The following ALCAM variants were observed in gnomAD, a reference collection of about 807,000 sequenced individuals.
ALCAM encodes the protein CD166 antigen.
In ALCAM, 30 loss-of-function variants were observed where a neutral mutation model predicts 70.9. The ratio of observed to expected loss-of-function variants is 0.42; its 90% CI spans 0.32 to 0.57. ALCAM has a LOEUF of 0.57. ALCAM is among the 20% of genes least tolerant of loss of function. The pLI is 0.11. For missense variants in ALCAM, 591 were observed against 695.1 expected, an observed-to-expected ratio of 0.85 and a Z score of 1.68; for synonymous variants, 249 against 242.5, an observed-to-expected ratio of 1.03 and a Z score of -0.25.
At chr3:105,564,021 C>T (rs1266350862) in intron 14 of ALCAM, among the ~76,000 whole-genome samples, 2 of 152,002 alleles carry the variant, frequency 1.3e-5, no homozygotes, top group African/African-American at 2.4e-5. Context: ...TCAACACAAC[C>T]TACTACATAA....
chr3:105,547,850 T>C (rs1161806235), intron 11 of ALCAM, among the ~76,000 whole-genome samples: 1 of 151,472 alleles, frequency 6.6e-6, no homozygotes, highest in African/African-American at 2.4e-5. Flanking sequence ...TGTGAGTGAT[T>C]AAAACATTAA....
chr3:105,490,982 G>A (rs1325468319), intron 1 of ALCAM, among the ~76,000 whole-genome samples: 1 of 152,220 alleles, frequency 6.6e-6, no homozygotes, highest in East Asian at 1.9e-4. Context: ...CCTCGCAGAG[G>A]TTCTCCATGA....
rs570665770 is a variant in ALCAM, at chr3:105,418,836, A to T, written c.73+51355A>T. Among the ~76,000 whole-genome samples, 6 of 151,896 alleles carry T rather than the reference A, an allele frequency of 4.0e-5. No individual in the cohort carries two copies. In the East Asian group the frequency reaches 1.2e-3, roughly 30 times the overall value. ...AGATATTCACTGTAGAAAAAAAAAGACTTCTGGTCACAAATTCTGTTACTT... is the reference window on the plus strand; with the variant it reads ...AGATATTCACTGTAGAAAAAAAAAGTCTTCTGGTCACAAATTCTGTTACTT... On this transcript the variant is annotated intron_variant, in intron 1 of 15. Transcript: ENST00000306107.
At chr3:105,372,497 T>C (rs1039910724) in intron 1 of ALCAM, among the ~76,000 whole-genome samples, 1 of 152,150 alleles carries the variant, frequency 6.6e-6, no homozygotes, top group Admixed American at 6.5e-5. Flanking sequence ...TGAAATTAGC[T>C]TTTAATGCTT....
At chr3:105,466,739 C>T (rs540000520) in intron 1 of ALCAM, among the ~76,000 whole-genome samples, 1 of 151,500 alleles carries the variant, frequency 6.6e-6, no homozygotes, top group Admixed American at 6.6e-5. Flanking sequence ...TTGATTCTAT[C>T]TATATCCAGT....
intron 14 of ALCAM, among the ~76,000 whole-genome samples, chr3:105,554,065 A>T (rs1159732918): frequency 1.3e-5 from 2 of 151,864 alleles, no homozygotes; most frequent in Non-Finnish European, 2.9e-5. Context: ...ACGAGTCAGG[A>T]TTCTCCAGAG....
chr3:105,461,706 C>T (rs1302982953), intron 1 of ALCAM, among the ~76,000 whole-genome samples: 1 of 151,720 alleles, frequency 6.6e-6, no homozygotes, highest in East Asian at 1.9e-4. Flanking sequence ...AAAGAAAGAA[C>T]TAGAACCATT....
At chr3:105,368,487 T>C (rs901182321) in intron 1 of ALCAM, among the ~76,000 whole-genome samples, 18 of 152,114 alleles carry the variant, frequency 1.2e-4, no homozygotes, top group African/African-American at 4.1e-4. Context: ...GTTTTTTTTT[T>C]CTATCCCTGC....
chr3:105,469,306 C>T (rs1937849954), intron 1 of ALCAM, among the ~76,000 whole-genome samples: 1 of 151,190 alleles, frequency 6.6e-6, no homozygotes, highest in South Asian at 2.1e-4. Flanking sequence ...CTGCACAGTT[C>T]AGAGTTCTGC....
intron 1 of ALCAM, among the ~76,000 whole-genome samples, chr3:105,444,606 A>G (rs1937254675): frequency 6.6e-6 from 1 of 152,180 alleles, no homozygotes; most frequent in Non-Finnish European, 1.5e-5. Context: ...ACATCCTAAA[A>G]TTTGTTTCAA....
intron 1 of ALCAM, among the ~76,000 whole-genome samples, chr3:105,424,949 G>A (rs1576154656): frequency 6.6e-6 from 1 of 151,724 alleles, no homozygotes; most frequent in Admixed American, 6.6e-5. Context: ...CTTGTGTTTA[G>A]CACCATGCAG....
intron 1 of ALCAM, among the ~76,000 whole-genome samples, chr3:105,405,883 C>G (rs1936216075): frequency 6.6e-6 from 1 of 152,154 alleles, no homozygotes; most frequent in East Asian, 1.9e-4. Context: ...GTTCCCGGAC[C>G]AAACTGAGGG....
chr3:105,573,893 A>G (rs1940908912), intron 15 of ALCAM, among the ~76,000 whole-genome samples: 1 of 152,218 alleles, frequency 6.6e-6, no homozygotes, highest in Non-Finnish European at 1.5e-5. Context: ...GGGGAGAACA[A>G]TAGAATAATT....
chr3:105,387,401 A>T (rs1435301324), intron 1 of ALCAM, among the ~76,000 whole-genome samples: 1 of 151,530 alleles, frequency 6.6e-6, no homozygotes, highest in African/African-American at 2.4e-5. Flanking sequence ...AGATGTTTGA[A>T]GGATACAGAA....
At chr3:105,564,184 G>A (rs1487380970) in intron 14 of ALCAM, among the ~76,000 whole-genome samples, 5 of 151,880 alleles carry the variant, frequency 3.3e-5, no homozygotes, top group Non-Finnish European at 7.4e-5. Flanking sequence ...AGGTTAAGGT[G>A]AATCATAGTT....
At chr3:105,489,019 G>C (rs1938508654) in intron 1 of ALCAM, among the ~76,000 whole-genome samples, 1 of 152,096 alleles carries the variant, frequency 6.6e-6, no homozygotes. Context: ...TTATCACAAA[G>C]ATAAAATTTT....
At chr3:105,566,077 G>A (rs1371010843) in intron 14 of ALCAM, among the ~76,000 whole-genome samples, 1 of 152,162 alleles carries the variant, frequency 6.6e-6, no homozygotes, top group African/African-American at 2.4e-5. Context: ...GTTGTCCAAT[G>A]ACAGAAAATA....
chr3:105,540,181 A>AG, intron 7 of ALCAM, 79 bp downstream of exon 7: 1 of 1,390,590 alleles, frequency 7.2e-7, no homozygotes, highest in Non-Finnish European at 9.7e-7. Context: ...AGATTAAGTG[A>AG]GAAAAAATGT....
intron 1 of ALCAM, among the ~76,000 whole-genome samples, chr3:105,478,446 C>T (rs1014305142): frequency 3.9e-5 from 6 of 152,014 alleles, no homozygotes; most frequent in African/African-American, 1.4e-4. Context: ...CTGAGGCAGC[C>T]CCTCTCAAGT....
Sources: allele counts gnomAD v4.1 joint callset (sites outside exome capture counted in the v4.1 genomes callset), GRCh38; gene constraint gnomAD v4.1.1; transcripts MANE v1.5; gene names NCBI Gene and HGNC (gene_info 2026-07-23, HGNC 2026-07-21).